CNTNAP5: variants seen among roughly 807,000 people sequenced by gnomAD.
CNTNAP5 encodes the protein contactin associated protein family member 5.
CNTNAP5 carries 72 observed loss-of-function variants against 150.2 expected under a neutral mutation model. The observed-to-expected ratio is 0.48, with a 90% CI of 0.40 to 0.58. The LOEUF is 0.58. CNTNAP5 is among the 20% of genes least tolerant of loss of function. CNTNAP5 has a pLI of 0.00. For synonymous variants in CNTNAP5, 672 were observed against 619.8 expected (o/e 1.08, Z -1.25); for missense variants, 1,636 against 1,626.2 (o/e 1.01, Z -0.10).
chr2:124,031,791 AAGG>A (rs1681059225), intron 1 of CNTNAP5, among the ~76,000 whole-genome samples: 2 of 152,316 alleles, frequency 1.3e-5, no homozygotes, highest in South Asian at 4.1e-4. Context: ...TCAGTATAAA[AAGG>A]AGAAGTTTGG....
At chr2:124,063,542 G>A (rs1184610833) in intron 1 of CNTNAP5, among the ~76,000 whole-genome samples, 2 of 152,080 alleles carry the variant, frequency 1.3e-5, no homozygotes, top group East Asian at 1.9e-4. Context: ...AAGGTATAAG[G>A]AGCATTAAAT....
At chr2:124,134,407 ACC>A in intron 1 of CNTNAP5, among the ~76,000 whole-genome samples, 3 of 152,228 alleles carry the variant, frequency 2.0e-5, no homozygotes, top group Middle Eastern at 6.8e-3. Context: ...ATATTAACAC[ACC>A]TGGGTTCCAG....
intron 3 of CNTNAP5, among the ~76,000 whole-genome samples, chr2:124,337,102 G>T (rs1158356526): frequency 2.0e-5 from 3 of 152,140 alleles, no homozygotes; most frequent in African/African-American, 7.2e-5. Flanking sequence ...TTGTGGTTTT[G>T]ATTTGCATTT....
At chr2:124,860,861 A>G (rs1282823472) in intron 19 of CNTNAP5, among the ~76,000 whole-genome samples, 1 of 151,998 alleles carries the variant, frequency 6.6e-6, no homozygotes, top group Non-Finnish European at 1.5e-5. Context: ...ACCTAATGAG[A>G]AGGGCATTCT....
At position 124,271,685 on chromosome 2, in the gene CNTNAP5, CTATCTATCTATCTATCATCT is replaced by C. The variant is rs769457642; in HGVS notation, c.381+29293_381+29312del. On this transcript the variant is annotated intron_variant, in intron 3 of 23. Coordinates refer to ENST00000682447, the MANE Select transcript of CNTNAP5 (RefSeq NM_001367498.1). ...TCTATCTATCTATCTATCTATCTATCTATCTATCTATCTATCATCTATCTATCTATCTATCTATCTATTTA... is the reference window on the plus strand; with the variant it reads ...TCTATCTATCTATCTATCTATCTATCATCTATCTATCTATCTATCTATTTA... 2.4e-3 allele frequency among the ~76,000 whole-genome samples: 283 copies of C among 119,708 alleles called. 2 individuals carry two copies. Among genetic ancestry groups the C allele is most frequent in the Middle Eastern group, 0.017 (4 of 242 alleles). The allele number at this position is 119,708 out of a possible 152,430, so 78.5% of individuals were successfully genotyped here. A position where few individuals can be genotyped will look rare whatever the true frequency, so the allele number is the denominator to read the frequency against.
At chr2:124,207,007 G>T (rs1685882199) in intron 1 of CNTNAP5, among the ~76,000 whole-genome samples, 1 of 152,082 alleles carries the variant, frequency 6.6e-6, no homozygotes, top group Non-Finnish European at 1.5e-5. Context: ...ACTCTGTATG[G>T]CAAATATGAT....
At chr2:124,411,217 G>A (rs1292109009) in intron 3 of CNTNAP5, among the ~76,000 whole-genome samples, 2 of 152,168 alleles carry the variant, frequency 1.3e-5, no homozygotes, top group Non-Finnish European at 2.9e-5. Context: ...AACAGGAGCT[G>A]AAATTGTGGC....
intron 11 of CNTNAP5, among the ~76,000 whole-genome samples, chr2:124,568,849 T>A (rs1696089265): frequency 6.6e-6 from 1 of 151,998 alleles, no homozygotes; most frequent in Non-Finnish European, 1.5e-5. Context: ...ATCGAGACTA[T>A]CCTGGCTAAC....
At chr2:124,631,898 G>A (rs981708818) in intron 12 of CNTNAP5, among the ~76,000 whole-genome samples, 1 of 152,048 alleles carries the variant, frequency 6.6e-6, no homozygotes, top group African/African-American at 2.4e-5. Context: ...TTAAAAAGTG[G>A]GCAAAGGATA....
intron 16 of CNTNAP5, among the ~76,000 whole-genome samples, chr2:124,769,053 A>T (rs967542371): frequency 6.6e-5 from 10 of 152,118 alleles, no homozygotes; most frequent in Admixed American, 3.3e-4. Flanking sequence ...TCGACCCTGA[A>T]ATCTCTCTCA....
intron 19 of CNTNAP5, among the ~76,000 whole-genome samples, chr2:124,864,191 T>G (rs2104718904): frequency 6.6e-6 from 1 of 152,310 alleles, no homozygotes; most frequent in South Asian, 2.1e-4. Flanking sequence ...AATTTTTAAA[T>G]ATAGAATGTC....
intron 3 of CNTNAP5, among the ~76,000 whole-genome samples, chr2:124,360,699 C>T (rs1337495041): frequency 5.7e-5 from 7 of 122,224 alleles, no homozygotes; most frequent in Non-Finnish European, 8.7e-5. Context: ...GATGGGCTTC[C>T]CTTTGAGGGT....
At chr2:124,653,918 C>T (rs945347676) in intron 13 of CNTNAP5, among the ~76,000 whole-genome samples, 3 of 138,044 alleles carry the variant, frequency 2.2e-5, no homozygotes, top group South Asian at 2.6e-4. Flanking sequence ...CCAACCCCCC[C>T]CCCCCGCCAC....
In CNTNAP5 at chr2:124,917,835, A is replaced by C. The variant is rs1678801412; in HGVS notation, c.*3547A>C. The stretch of plus-strand genomic sequence containing the variant: ...GTATTGTTGCAACAGGGCCACACAT[A>C]AAGTGTCCTAGAATGCAGCACAAGG... On this transcript the variant is annotated 3_prime_UTR_variant, in exon 24 of 24. Transcript: ENST00000682447. Among the ~76,000 whole-genome samples, 1 of 152,058 alleles carries C rather than the reference A, an allele frequency of 6.6e-6. No individual in the cohort carries two copies. Among genetic ancestry groups the C allele is most frequent in the African/African-American group, 2.4e-5 (1 of 41,452 alleles).
chr2:124,050,733 G>C (rs1289881393), intron 1 of CNTNAP5, among the ~76,000 whole-genome samples: 1 of 152,132 alleles, frequency 6.6e-6, no homozygotes, highest in Non-Finnish European at 1.5e-5. Flanking sequence ...CCAGAATATA[G>C]CTTTGTACTT....
At chr2:124,472,082 T>A (rs1021501629) in intron 6 of CNTNAP5, among the ~76,000 whole-genome samples, 2 of 152,010 alleles carry the variant, frequency 1.3e-5, no homozygotes, top group Non-Finnish European at 2.9e-5. Flanking sequence ...TCTAAATGCT[T>A]GACAAAAGAA....
intron 1 of CNTNAP5, among the ~76,000 whole-genome samples, chr2:124,187,423 A>T (rs1347090237): frequency 2.0e-5 from 3 of 152,232 alleles, no homozygotes; most frequent in African/African-American, 7.2e-5. Context: ...GTGCTTTCCT[A>T]AAATGGTCTG....
rs553815853 is a variant in CNTNAP5 at position 124,828,563 on chromosome 2, G to A, written c.3217+30243G>A. ...AACTAAAACCATGCTTTGCCATATC[G>A]TAGGTTTTCAAAATATTTGAATTCC... is the stretch of plus-strand genomic sequence containing the variant. On this transcript the variant is annotated intron_variant, in intron 19 of 23. Transcript: ENST00000682447. Among the ~76,000 whole-genome samples the A allele has an allele frequency of 2.3e-3, 347 of 151,720 alleles. 2 individuals carry two copies. Among genetic ancestry groups the A allele is most frequent in the African/African-American group, 7.9e-3 (329 of 41,416 alleles).
intron 1 of CNTNAP5, among the ~76,000 whole-genome samples, chr2:124,034,308 T>C (rs1377453851): frequency 1.3e-5 from 2 of 152,186 alleles, no homozygotes; most frequent in African/African-American, 4.8e-5. Context: ...TCAGCATGGA[T>C]TTTCTCATAA....
Sources: gnomAD v4.1 joint callset for allele counts (sites outside exome capture counted in the v4.1 genomes callset) on GRCh38, gnomAD v4.1.1 for gene constraint, MANE v1.5 for transcripts, NCBI Gene and HGNC (gene_info 2026-07-23, HGNC 2026-07-21) for gene names.